The following DGKI variants were observed in gnomAD, a reference collection of about 807,000 sequenced individuals.
The protein encoded by DGKI is DAG kinase iota.
A neutral mutation model predicts 147.5 loss-of-function variants in DGKI; 55 were observed. That is an observed-to-expected ratio of 0.37 (90% CI 0.30 to 0.47). The LOEUF is 0.47. DGKI is among the 20% of genes least tolerant of loss of function. DGKI has a pLI of 1.00. For missense variants in DGKI, 1,007 were observed against 1,323.8 expected (o/e 0.76, Z 3.71); for synonymous variants, 469 against 477.1 (o/e 0.98, Z 0.22).
intron 21 of DGKI, among the ~76,000 whole-genome samples, chr7:137,496,166 C>T (rs925658196): frequency 6.6e-6 from 1 of 151,932 alleles, no homozygotes; most frequent in African/African-American, 2.4e-5. Context: ...ACACCAACAA[C>T]ATCCAAACTG....
intron 1 of DGKI, among the ~76,000 whole-genome samples, chr7:137,745,927 C>T (rs1476974395): frequency 6.6e-6 from 1 of 152,012 alleles, no homozygotes; most frequent in Non-Finnish European, 1.5e-5. Context: ...ATGACAAGTG[C>T]TTAGTTAAGA....
intron 1 of DGKI, among the ~76,000 whole-genome samples, chr7:137,789,207 T>G (rs1796769913): frequency 6.6e-6 from 1 of 152,290 alleles, no homozygotes; most frequent in Non-Finnish European, 1.5e-5. Context: ...GAGAGAGACA[T>G]GACACTCTTT....
chr7:137,795,917 A>G (rs1797010881), intron 1 of DGKI, among the ~76,000 whole-genome samples: 4 of 152,362 alleles, frequency 2.6e-5, no homozygotes, highest in Admixed American at 2.6e-4. Flanking sequence ...GCTGCACACA[A>G]CAAAGAACAC....
chr7:137,760,895 A>G (rs551466040), intron 1 of DGKI, among the ~76,000 whole-genome samples: 9 of 152,226 alleles, frequency 5.9e-5, no homozygotes, highest in African/African-American at 2.2e-4. Flanking sequence ...TCTCTAGTCC[A>G]GGCAATTCCC....
chr7:137,625,692 G>A (rs1247327056), intron 6 of DGKI, among the ~76,000 whole-genome samples: 1 of 148,894 alleles, frequency 6.7e-6, no homozygotes, highest in Non-Finnish European at 1.5e-5. Flanking sequence ...GAGCCCTGGA[G>A]TTTGTGACCA....
At chr7:137,513,502 G>A (rs898577306) in intron 21 of DGKI, among the ~76,000 whole-genome samples, 1 of 152,094 alleles carries the variant, frequency 6.6e-6, no homozygotes, top group Non-Finnish European at 1.5e-5. Context: ...TAGTTTTATA[G>A]TTAAATACCT....
intron 3 of DGKI, among the ~76,000 whole-genome samples, chr7:137,675,192 G>C (rs1299231236): frequency 6.6e-6 from 1 of 152,134 alleles, no homozygotes; most frequent in African/African-American, 2.4e-5. Context: ...AAGCAGCTGA[G>C]AGTCCCCAAC....
intron 23 of DGKI, among the ~76,000 whole-genome samples, chr7:137,483,353 C>A (rs144398133): frequency 6.6e-6 from 1 of 152,196 alleles, no homozygotes; most frequent in Non-Finnish European, 1.5e-5. Context: ...AGTATAAACT[C>A]TTAAAGACAA....
In DGKI at chr7:137,838,801, G is replaced by A. The variant is rs969894323; in HGVS notation, c.401+7661C>T. Among the ~76,000 whole-genome samples, 4 of 152,258 alleles carry A rather than the reference G, an allele frequency of 2.6e-5. No homozygotes were observed. In the East Asian group the frequency reaches 7.7e-4, roughly 29 times the overall value. ...TAAAATATATTCTGCTGTTTGGCCT[G>A]GTTCAAATAACTGATGGAACATCCC... On this transcript the variant is annotated intron_variant, in intron 1 of 32. Coordinates refer to ENST00000614521, the MANE Select transcript of DGKI (RefSeq NM_001321708.2).
chr7:137,609,633 T>G, intron 8 of DGKI, 24 bp from the exon 9 acceptor site: 1 of 1,594,350 alleles, frequency 6.3e-7, no homozygotes, highest in Non-Finnish European at 8.6e-7. Context: ...GAGAAATGCC[T>G]GAGCTCAGAG....
intron 19 of DGKI, among the ~76,000 whole-genome samples, chr7:137,565,884 ATGAAT>A (rs1371274962): frequency 2.0e-5 from 3 of 152,174 alleles, no homozygotes; most frequent in African/African-American, 7.2e-5. Context: ...AACCAGTAAA[ATGAAT>A]TGAAGACTTC....
At chr7:137,654,911 G>A in intron 4 of DGKI, 123 bp from the exon 5 acceptor site, 1 of 616,284 alleles carries the variant, frequency 1.6e-6, no homozygotes, top group South Asian at 2.1e-5. Flanking sequence ...CAAAGAACAA[G>A]GAATAATACT....
At chr7:137,615,278 AT>A (rs1820491235) in intron 8 of DGKI, among the ~76,000 whole-genome samples, 2 of 151,968 alleles carry the variant, frequency 1.3e-5, no homozygotes, top group South Asian at 4.2e-4. Flanking sequence ...ACACAGCTGA[AT>A]TTTTCAAAAT....
intron 20 of DGKI, among the ~76,000 whole-genome samples, chr7:137,530,512 A>G (rs1817303337): frequency 6.6e-6 from 1 of 152,180 alleles, no homozygotes; most frequent in African/African-American, 2.4e-5. Flanking sequence ...TGATATGACA[A>G]TGTTGCTCTC....
At chr7:137,454,772 G>T (rs1814120023) in intron 27 of DGKI, 1 of 152,152 alleles carries the variant, frequency 6.6e-6, no homozygotes, top group Non-Finnish European at 1.5e-5. Context: ...CCAGGAGGAA[G>T]GACCCTTTAG....
intron 1 of DGKI, among the ~76,000 whole-genome samples, chr7:137,704,447 A>T (rs1793946177): frequency 6.6e-6 from 1 of 152,122 alleles, no homozygotes; most frequent in South Asian, 2.1e-4. Context: ...AAGATAGGTG[A>T]ATTGTAATTG....
At chr7:137,494,109 C>T (rs1815873839) in intron 21 of DGKI, among the ~76,000 whole-genome samples, 1 of 151,098 alleles carries the variant, frequency 6.6e-6, no homozygotes, top group South Asian at 2.1e-4. Flanking sequence ...ATAACTCAGA[C>T]AAATATGAAG....
chr7:137,731,721 G>A (rs1022428101), intron 1 of DGKI, among the ~76,000 whole-genome samples: 27 of 152,030 alleles, frequency 1.8e-4, no homozygotes, highest in African/African-American at 6.5e-4. Flanking sequence ...TTGATTTCTC[G>A]GCTTCCTAAA....
At chr7:137,477,406 T>C (rs917573693) in intron 23 of DGKI, among the ~76,000 whole-genome samples, 1 of 152,224 alleles carries the variant, frequency 6.6e-6, no homozygotes, top group Admixed American at 6.5e-5. Context: ...TATGATTTTA[T>C]TTTTGAAGTA....
Sources: allele counts gnomAD v4.1 joint callset (sites outside exome capture counted in the v4.1 genomes callset), GRCh38; gene constraint gnomAD v4.1.1; transcripts MANE v1.5; gene names NCBI Gene and HGNC (gene_info 2026-07-23, HGNC 2026-07-21).